The following MIGA1 variants were observed in gnomAD, a reference collection of about 807,000 sequenced individuals.
MIGA1 encodes family with sequence similarity 73, member A.
A neutral mutation model predicts 82.0 loss-of-function variants in MIGA1; 58 were observed. The ratio of observed to expected loss-of-function variants is 0.71; its 90% CI spans 0.57 to 0.88. The LOEUF (loss-of-function observed/expected upper bound fraction) is 0.88. Among genes scored for constraint, MIGA1 ranks in the 40% least tolerant of loss-of-function variants. The pLI is 0.00. For missense variants in MIGA1, 751 were observed against 749.1 expected, an observed-to-expected ratio of 1.00 and a Z score of -0.03; for synonymous variants, 249 against 253.6, an observed-to-expected ratio of 0.98 and a Z score of 0.17.
At chr1:77,843,521 G>A in intron 8 of MIGA1, 114 bp downstream of exon 8, 3 of 733,056 alleles carry the variant, frequency 4.1e-6, no homozygotes, top group Non-Finnish European at 6.9e-6. Context: ...CGTACCATGT[G>A]GTAGGTGCCA....
At position 77,839,345 on chromosome 1, in the gene MIGA1, A is replaced by G. The variant is rs540857685; in HGVS notation, c.896-3962A>G. 2.9e-4 allele frequency among the ~76,000 whole-genome samples: 44 copies of G among 150,974 alleles called. 1 individual carries two copies. Among genetic ancestry groups the G allele is most frequent in the Admixed American group, 4.0e-4 (6 of 15,136 alleles). Reference sequence around the variant, plus strand: ...GCTGAGAAAAATTTAGAAGTTTCTGAAAATGTTGACTAAGATGAAGCCTTT... The same window carrying G: ...GCTGAGAAAAATTTAGAAGTTTCTGGAAATGTTGACTAAGATGAAGCCTTT... On this transcript the variant is annotated intron_variant, in intron 7 of 15. Transcript: ENST00000370791.
At position 77,875,102 on chromosome 1, in the gene MIGA1, A is replaced by G. The variant is rs1646884220; in HGVS notation, c.*38A>G. On this transcript the variant is annotated 3_prime_UTR_variant, in exon 16 of 16. Transcript: ENST00000370791. The stretch of plus-strand genomic sequence containing the variant: ...TCATACAATTTGAGTGTGCTATGAA[A>G]TATTTTAAGGTAACTATTGATTTTG... 1.3e-6 allele frequency: 2 copies of G among 1,488,532 alleles called. No homozygotes were observed. The highest frequency in any genetic ancestry group is 1.9e-6 in the Non-Finnish European group (2 of 1,070,826). 92.2% of individuals were successfully genotyped at this position (1,488,532 alleles called of 1,614,324 possible).
intron 14 of MIGA1, 122 bp from the exon 15 acceptor site, chr1:77,872,882 A>G (rs950482630): frequency 7.4e-7 from 1 of 1,351,636 alleles, no homozygotes; most frequent in African/African-American, 1.5e-5. Flanking sequence ...CTCTGGTTCT[A>G]AAAAACAAAT....
chr1:77,850,451 T>C (rs1161602731), intron 8 of MIGA1, among the ~76,000 whole-genome samples: 1 of 152,214 alleles, frequency 6.6e-6, no homozygotes, highest in Non-Finnish European at 1.5e-5. Flanking sequence ...ACAGCCTGCT[T>C]TCTTTAACTG....
At chr1:77,846,669 C>T (rs1377561990) in intron 8 of MIGA1, among the ~76,000 whole-genome samples, 3 of 151,032 alleles carry the variant, frequency 2.0e-5, no homozygotes, top group Admixed American at 6.6e-5. Flanking sequence ...ATACCTCGGC[C>T]GGGACTGCTG....
intron 11 of MIGA1, chr1:77,860,968 T>C: frequency 3.0e-6 from 1 of 334,586 alleles, no homozygotes; most frequent in Non-Finnish European, 5.4e-6. Flanking sequence ...TCATTTTAAT[T>C]ACTGACCAAA....
At chr1:77,803,225 A>G in intron 3 of MIGA1, 45 bp from the exon 4 acceptor site, 1 of 1,259,474 alleles carries the variant, frequency 7.9e-7, no homozygotes, top group Non-Finnish European at 1.0e-6. Context: ...GAAATTTATC[A>G]TTGGCGTTAT....
chr1:77,873,010 G>A lies in MIGA1; in HGVS notation c.1570G>A (p.Asp524Asn). The A allele has an allele frequency of 6.2e-7, 1 of 1,613,964 alleles. No individual in the cohort carries two copies. Residue 524 changes from aspartate to asparagine, a missense_variant, in exon 15 of 16, where the codon GAT (aspartate) becomes AAT (asparagine). Transcript: ENST00000370791. ...CTCCTTTACTTCCCAGCAGATCCCA[G>A]ATGGATTTTTTGCCCATTTTTATGC...
chr1:77,801,464 A>T lies in MIGA1; in HGVS notation c.329A>T (p.Glu110Val), dbSNP rs752541579. 6 of 1,606,034 alleles carry T rather than the reference A, an allele frequency of 3.7e-6. No homozygotes were observed. In the South Asian group the frequency reaches 6.7e-5, roughly 18 times the overall value. Residue 110 changes from glutamate (E) to valine (V), a missense_variant, in exon 3 of 16, where the codon GAG becomes GTG. Around this residue, in one of 3 missense-constraint regions of MIGA1, gnomAD observed 482 missense variants for 439.4 expected, o/e 1.10. Transcript: ENST00000370791. The stretch of plus-strand genomic sequence containing the variant: ...GGAAAAATATTACCATGGGAACCAG[A>T]GCACCTCATACTTGAATACACTAAA...
At chr1:77,831,941 A>T (rs1400668682) in intron 7 of MIGA1, among the ~76,000 whole-genome samples, 1 of 152,246 alleles carries the variant, frequency 6.6e-6, no homozygotes, top group African/African-American at 2.4e-5. Flanking sequence ...TGGGGACATT[A>T]TATAGTTGGT....
At position 77,854,997 on chromosome 1, in the gene MIGA1, A is replaced by G. The variant is rs947894812; in HGVS notation, c.997-3941A>G. Among the ~76,000 whole-genome samples the G allele has an allele frequency of 7.9e-5, 12 of 152,280 alleles. No homozygotes were observed. In the South Asian group the frequency reaches 1.0e-3, roughly 13 times the overall value. On this transcript the variant is annotated intron_variant, in intron 8 of 15. Transcript: ENST00000370791. The stretch of plus-strand genomic sequence containing the variant: ...GCCAATGTCTAGAAGGGTTTTTCCA[A>G]TGTTATCTTCTAGAGTTTTTGTAGT...
rs1040539614 is a variant in MIGA1 at position 77,875,942 on chromosome 1, C to T, written c.*878C>T. On this transcript the variant is annotated 3_prime_UTR_variant, in exon 16 of 16. Transcript: ENST00000370791. ...GAGGTCAGGTGTTCGAGACCAGCCTCCCCAATATGGTGAAACCCCGTCTCT... is the reference window on the plus strand; with the variant it reads ...GAGGTCAGGTGTTCGAGACCAGCCTTCCCAATATGGTGAAACCCCGTCTCT... The T allele has an allele frequency of 2.0e-5, 3 of 151,974 alleles. No homozygotes were observed. Among genetic ancestry groups the T allele is most frequent in the Admixed American group, 6.6e-5 (1 of 15,226 alleles). The allele number at this position is 151,974 out of a possible 1,614,324, so 9.4% of individuals were successfully genotyped here.
At position 77,875,222 on chromosome 1, in the gene MIGA1, CAGAAGTT is replaced by C; in HGVS notation, c.*159_*165del. ...AATGAGCAACTGTACTGTATTTATA[CAGAAGTT>C]CTGTCATTGAATTCCTGTGTAGTGT... On this transcript the variant is annotated 3_prime_UTR_variant, in exon 16 of 16. Coordinates refer to ENST00000370791, the MANE Select transcript of MIGA1 (RefSeq NM_198549.4). 4.8e-6 allele frequency: 3 copies of C among 618,764 alleles called. No homozygotes were observed. Among genetic ancestry groups the C allele is most frequent in the South Asian group, 2.2e-5 (1 of 46,154 alleles). 38.3% of individuals were successfully genotyped at this position (618,764 alleles called of 1,614,324 possible).
chr1:77,847,385 G>T, intron 8 of MIGA1: 1 of 1,120,648 alleles, frequency 8.9e-7, no homozygotes, highest in Admixed American at 1.7e-5. Flanking sequence ...ATACTAAATT[G>T]CTTTTGGGGA....
At chr1:77,832,723 G>GA (rs1684286420) in intron 7 of MIGA1, among the ~76,000 whole-genome samples, 1 of 152,156 alleles carries the variant, frequency 6.6e-6, no homozygotes, top group African/African-American at 2.4e-5. Flanking sequence ...GATGAACCTA[G>GA]AAAGCTGGGC....
intron 7 of MIGA1, among the ~76,000 whole-genome samples, chr1:77,824,813 C>T (rs1035313628): frequency 1.3e-5 from 2 of 151,890 alleles, no homozygotes; most frequent in African/African-American, 4.8e-5. Context: ...GAATGAATTC[C>T]ACCCATAAAA....
At chr1:77,790,727 C>T (rs2101708359) in intron 2 of MIGA1, among the ~76,000 whole-genome samples, 1 of 151,988 alleles carries the variant, frequency 6.6e-6, no homozygotes, top group South Asian at 2.1e-4. Context: ...GCTGAGATTA[C>T]AGGTGCCCAC....
chr1:77,811,675 T>A, intron 5 of MIGA1: 4 of 1,612,068 alleles, frequency 2.5e-6, no homozygotes, highest in Non-Finnish European at 3.4e-6. Context: ...TGCTAATATC[T>A]GATACTCGTC....
At chr1:77,819,246 G>A (rs1022669625) in intron 7 of MIGA1, among the ~76,000 whole-genome samples, 1 of 152,040 alleles carries the variant, frequency 6.6e-6, no homozygotes, top group Non-Finnish European at 1.5e-5. Flanking sequence ...ACCCGGGTTT[G>A]GACCCAGTCA....
Sources: allele counts gnomAD v4.1 joint callset (sites outside exome capture counted in the v4.1 genomes callset), GRCh38; gene constraint gnomAD v4.1.1; regional missense constraint gnomAD v4.1.1; transcripts MANE v1.5; gene names NCBI Gene and HGNC (gene_info 2026-07-23, HGNC 2026-07-21).